PUM2: variants seen among roughly 807,000 people sequenced by gnomAD.
The protein encoded by PUM2 is pumilio RNA binding family member 2, also known as pumilio homolog 2.
Under a neutral mutation model 124.5 loss-of-function variants are expected in PUM2, and 57 were observed. The observed-to-expected ratio is 0.46, with a 90% CI of 0.37 to 0.57. PUM2 has a LOEUF of 0.57. Ranked by LOEUF, PUM2 falls within the 20% of genes least tolerant of loss-of-function variation. The pLI is 0.00. For missense variants in PUM2, 1,065 were observed against 1,290.6 expected (o/e 0.83, Z 2.68); for synonymous variants, 460 against 446.1 (o/e 1.03, Z -0.39).
rs112131626 is a variant in PUM2 at position 20,269,075 on chromosome 2, T to C, written c.1958-5615A>G. Reference sequence around the variant, plus strand: ...TTTACCATTATGTCTAAAAAATTCATGTAAAGTTGTCAGTCATACTCTGCT... The same window carrying C: ...TTTACCATTATGTCTAAAAAATTCACGTAAAGTTGTCAGTCATACTCTGCT... On this transcript the variant is annotated intron_variant, in intron 13 of 20. Coordinates refer to ENST00000361078, the MANE Select transcript of PUM2 (RefSeq NM_015317.5). Among the ~76,000 whole-genome samples the C allele has an allele frequency of 1.5e-3, 227 of 152,272 alleles. No individual in the cohort carries two copies. In the East Asian group the frequency reaches 0.019, roughly 12 times the overall value.
intron 20 of PUM2, among the ~76,000 whole-genome samples, chr2:20,252,080 T>TC (rs1175583627): frequency 6.6e-6 from 1 of 152,124 alleles, no homozygotes; most frequent in Non-Finnish European, 1.5e-5. Context: ...TTAGGGAGGA[T>TC]CCAAATATAA....
Position 20,341,671 on chromosome 2 carries a change from A to G in PUM2, c.-19+8926T>C, listed in dbSNP as rs547482244. 7.9e-5 allele frequency among the ~76,000 whole-genome samples: 12 copies of G among 152,354 alleles called. No homozygotes were observed. The South Asian group carries it at 2.3e-3, about 29-fold the overall frequency. On this transcript the variant is annotated intron_variant, in intron 1 of 20. Coordinates refer to ENST00000361078, the MANE Select transcript of PUM2 (RefSeq NM_015317.5). ...TAGCTTAACTGCATTACAGTTTGGAAACTATCAAAGTACAAAAGTTATTGT... is the reference window on the plus strand; with the variant it reads ...TAGCTTAACTGCATTACAGTTTGGAGACTATCAAAGTACAAAAGTTATTGT...
At chr2:20,302,546 T>C (rs1193947824) in intron 7 of PUM2, among the ~76,000 whole-genome samples, 1 of 152,200 alleles carries the variant, frequency 6.6e-6, no homozygotes, top group Non-Finnish European at 1.5e-5. Flanking sequence ...TTGGCATTGA[T>C]TTGAAATTCA....
In PUM2 at chr2:20,294,444, C is replaced by T. The variant is rs1675008684; in HGVS notation, c.1084G>A (p.Ala362Thr). ...GCTGTGTTATTTGCCGCAGCTGCAG[C>T]TTGCTGCTGAAATAAGTTGGCTGGA... ...VYPANLFQQQ[A>T]AAAANNTASQ... Residue 362 changes from alanine (A) to threonine (T), a missense_variant, in exon 9 of 21, where the codon GCT becomes ACT. By Grantham distance (58) the Ala-to-Thr change is moderately conservative. Transcript: ENST00000361078. 2.5e-6 allele frequency: 4 copies of T among 1,614,050 alleles called. No individual in the cohort carries two copies. The African/African-American group carries it at 4.0e-5, about 16-fold the overall frequency.
At chr2:20,289,498 A>C (rs1673506133) in intron 10 of PUM2, among the ~76,000 whole-genome samples, 1 of 152,104 alleles carries the variant, frequency 6.6e-6, no homozygotes, top group Non-Finnish European at 1.5e-5. Flanking sequence ...ATCCACAATG[A>C]CTCCATGACA....
chr2:20,347,367 G>A (rs556886434), intron 1 of PUM2, among the ~76,000 whole-genome samples: 1 of 152,124 alleles, frequency 6.6e-6, no homozygotes, highest in East Asian at 1.9e-4. Context: ...CGAGTTATTT[G>A]AAGAAAAAGT....
chr2:20,332,158 C>T (rs981177698), intron 1 of PUM2, among the ~76,000 whole-genome samples: 3 of 152,144 alleles, frequency 2.0e-5, no homozygotes, highest in African/African-American at 7.2e-5. Context: ...GACCTCTGCT[C>T]TCATTCACTT....
rs533865063 is a variant in PUM2, at chr2:20,249,006, A to G, written c.*2579T>C. On this transcript the variant is annotated 3_prime_UTR_variant, in exon 21 of 21. Coordinates refer to ENST00000361078, the MANE Select transcript of PUM2 (RefSeq NM_015317.5). ...GTAAAAATTGGGGTGGGCACCCAAA[A>G]TGGCAGACTGTAAAATTTCTACAAG... is the stretch of plus-strand genomic sequence containing the variant. The G allele has an allele frequency of 2.6e-5, 4 of 152,354 alleles. No individual in the cohort carries two copies. Among genetic ancestry groups the G allele is most frequent in the Admixed American group, 2.0e-4 (3 of 15,300 alleles). 9.4% of individuals were successfully genotyped at this position (152,354 alleles called of 1,614,324 possible).
chr2:20,308,032 T>A lies in PUM2; in HGVS notation c.829A>T (p.Thr277Ser), dbSNP rs1678753265. The change falls in exon 7 of 21, where the codon ACT (threonine) becomes TCT (serine). Residue 277 changes from threonine to serine, a missense_variant. By Grantham distance (58) the Thr-to-Ser change is moderately conservative. This residue lies in a region of PUM2 where 968 missense variants were observed against 1,159.8 expected (regional missense o/e 0.83). Transcript: ENST00000361078. ...RTNALTVQQL[T>S]AAQQQQYALA... ...GCATATTGCTGCTGTTGAGCTGCAG[T>A]TAACTGTTGAACTGTTAGTGCATTA... 3 of 1,613,542 alleles carry A rather than the reference T, an allele frequency of 1.9e-6. No individual in the cohort carries two copies. In the East Asian group the frequency reaches 6.7e-5, roughly 36 times the overall value.
chr2:20,293,157 T>C (rs1674635840), intron 9 of PUM2, among the ~76,000 whole-genome samples: 1 of 152,224 alleles, frequency 6.6e-6, no homozygotes, highest in South Asian at 2.1e-4. Flanking sequence ...AGGTTTACTA[T>C]TCCGCAATAC....
At chr2:20,330,965 T>C (rs1684781556) in intron 1 of PUM2, among the ~76,000 whole-genome samples, 1 of 152,200 alleles carries the variant, frequency 6.6e-6, no homozygotes, top group African/African-American at 2.4e-5. Flanking sequence ...TGATACAGCA[T>C]ATCAAGCAAT....
intron 5 of PUM2, among the ~76,000 whole-genome samples, chr2:20,310,323 T>G (rs1044812168): frequency 1.3e-5 from 2 of 152,042 alleles, no homozygotes; most frequent in Non-Finnish European, 2.9e-5. Flanking sequence ...GGGAGACGTA[T>G]AACCTCTCAC....
At chr2:20,314,478 A>G (rs987582959) in intron 3 of PUM2, among the ~76,000 whole-genome samples, 3 of 152,222 alleles carry the variant, frequency 2.0e-5, no homozygotes, top group African/African-American at 4.8e-5. Flanking sequence ...ATAGTAATAC[A>G]TTTGAGGCAA....
intron 9 of PUM2, among the ~76,000 whole-genome samples, chr2:20,292,418 A>G (rs1674382184): frequency 6.6e-6 from 1 of 151,962 alleles, no homozygotes; most frequent in African/African-American, 2.4e-5. Flanking sequence ...GCTGGAGTGC[A>G]ATGGCATGAT....
chr2:20,251,714 A>C lies in PUM2; in HGVS notation c.3066T>G (p.Ile1022Met). 6.2e-7 allele frequency: 1 copy of C among 1,611,482 alleles called. No homozygotes were observed. The highest frequency in any genetic ancestry group is 8.5e-7 in the Non-Finnish European group (1 of 1,178,918). The stretch of plus-strand genomic sequence containing the variant: ...TGCGCAAAGTAGTAATGTGAGGTCG[A>C]ATCTGAAAAACAAATAATCTGCTTA... Reference protein sequence around the residue: ...PAQRKIIMHKIRPHITTLRKY... With the variant: ...PAQRKIIMHKMRPHITTLRKY... Residue 1022 changes from isoleucine to methionine, a missense_variant and splice_region_variant, in exon 21 of 21, where the codon ATT becomes ATG. Ile to Met is a conservative substitution (Grantham distance 10). This residue lies in a region of PUM2 where 968 missense variants were observed against 1,159.8 expected (regional missense o/e 0.83). Coordinates refer to ENST00000361078, the MANE Select transcript of PUM2 (RefSeq NM_015317.5).
At chr2:20,271,026 T>C (rs1360852842) in intron 13 of PUM2, among the ~76,000 whole-genome samples, 1 of 152,176 alleles carries the variant, frequency 6.6e-6, no homozygotes, top group Non-Finnish European at 1.5e-5. Flanking sequence ...TTACAATCAT[T>C]ATATTGTAAC....
intron 16 of PUM2, among the ~76,000 whole-genome samples, chr2:20,256,856 G>A (rs970438684): frequency 9.9e-5 from 15 of 151,758 alleles, no homozygotes; most frequent in East Asian, 7.8e-4. Context: ...AGACCAGCCC[G>A]GGCGACATGG....
At chr2:20,345,594 C>T (rs1325715462) in intron 1 of PUM2, among the ~76,000 whole-genome samples, 1 of 152,104 alleles carries the variant, frequency 6.6e-6, no homozygotes, top group Non-Finnish European at 1.5e-5. Context: ...ATGTGTGGGG[C>T]GAGGCACAGT....
chr2:20,324,306 T>C (rs1683147383), intron 2 of PUM2, among the ~76,000 whole-genome samples: 3 of 152,208 alleles, frequency 2.0e-5, no homozygotes, highest in African/African-American at 7.2e-5. Flanking sequence ...CCACACTACA[T>C]AGAATCTTAG....
Sources: gnomAD v4.1 joint callset for allele counts (sites outside exome capture counted in the v4.1 genomes callset) on GRCh38, gnomAD v4.1.1 for gene constraint, gnomAD v4.1.1 regional missense constraint, MANE v1.5 for transcripts, NCBI Gene and HGNC (gene_info 2026-07-23, HGNC 2026-07-21) for gene names.